Variants in DGKB observed in about 807,000 individuals in gnomAD.
DGKB encodes diacylglycerol kinase beta.
DGKB carries 67 observed loss-of-function variants against 114.3 expected under a neutral mutation model. That is an observed-to-expected ratio of 0.59 (90% CI 0.48 to 0.72). The LOEUF (loss-of-function observed/expected upper bound fraction) is 0.72. Among genes scored for constraint, DGKB ranks in the 30% least tolerant of loss-of-function variants. DGKB has a pLI of 0.00. For missense variants in DGKB, 907 were observed against 975.2 expected (o/e 0.93, Z 0.93); for synonymous variants, 398 against 323.1 (o/e 1.23, Z -2.49).
intron 2 of DGKB, among the ~76,000 whole-genome samples, chr7:14,767,870 TG>T (rs1232140948): frequency 6.6e-6 from 1 of 151,990 alleles, no homozygotes; most frequent in Non-Finnish European, 1.5e-5. Flanking sequence ...AGTTCTTATG[TG>T]GGTTGCAAAA....
At chr7:14,340,529 G>A (rs1470216724) in intron 22 of DGKB, among the ~76,000 whole-genome samples, 1 of 151,348 alleles carries the variant, frequency 6.6e-6, no homozygotes, top group Non-Finnish European at 1.5e-5. Context: ...CCACAAAGAA[G>A]TCTTCATTCC....
chr7:14,600,286 C>A (rs1431152108), intron 17 of DGKB, among the ~76,000 whole-genome samples: 2 of 152,180 alleles, frequency 1.3e-5, no homozygotes, highest in African/African-American at 4.8e-5. Context: ...ATCATTTGCT[C>A]ATTGCTCCAC....
intron 23 of DGKB, among the ~76,000 whole-genome samples, chr7:14,314,278 C>T (rs1380909410): frequency 1.4e-4 from 22 of 152,236 alleles, no homozygotes; most frequent in Admixed American, 5.9e-4. Context: ...CAAAGCTGGA[C>T]AGAGAATGAC....
At chr7:14,884,673 T>C (rs1181018981) in intron 1 of DGKB, among the ~76,000 whole-genome samples, 9 of 151,908 alleles carry the variant, frequency 5.9e-5, no homozygotes, top group Non-Finnish European at 1.3e-4. Context: ...TCAGGCTCTG[T>C]AAATTACCAC....
chr7:14,567,303 ATT>A (rs1563534300), intron 20 of DGKB, among the ~76,000 whole-genome samples: 1 of 39,548 alleles, frequency 2.5e-5, no homozygotes, highest in Non-Finnish European at 4.1e-5. Flanking sequence ...ATATTTATAT[ATT>A]ATATATAATT....
intron 2 of DGKB, among the ~76,000 whole-genome samples, chr7:14,770,899 G>A (rs1168232458): frequency 6.6e-6 from 1 of 152,010 alleles, no homozygotes; most frequent in Non-Finnish European, 1.5e-5. Context: ...TGTAACAAAA[G>A]CCCACCAAGA....
intron 21 of DGKB, among the ~76,000 whole-genome samples, chr7:14,466,352 A>G (rs1268618132): frequency 6.6e-6 from 1 of 152,076 alleles, no homozygotes; most frequent in South Asian, 2.1e-4. Flanking sequence ...AGGTCAAGAG[A>G]TCGAGACAAT....
At chr7:14,820,321 A>T (rs1042415376) in intron 2 of DGKB, among the ~76,000 whole-genome samples, 5 of 152,180 alleles carry the variant, frequency 3.3e-5, no homozygotes, top group African/African-American at 1.2e-4. Flanking sequence ...GTGTTAAATA[A>T]ACTTGGAATT....
chr7:14,972,819 A>C (rs2115312589), intron 1 of DGKB, among the ~76,000 whole-genome samples: 1 of 152,234 alleles, frequency 6.6e-6, no homozygotes, highest in African/African-American at 2.4e-5. Context: ...TATCATTTGG[A>C]TTACAGAGAA....
intron 13 of DGKB, among the ~76,000 whole-genome samples, chr7:14,671,309 G>C (rs1818923267): frequency 6.6e-6 from 1 of 152,058 alleles, no homozygotes; most frequent in Admixed American, 6.6e-5. Context: ...GGAAGTCAAT[G>C]AAAGGTAGAC....
chr7:14,418,514 A>G (rs2128758206), intron 21 of DGKB, among the ~76,000 whole-genome samples: 1 of 151,592 alleles, frequency 6.6e-6, no homozygotes, highest in African/African-American at 2.4e-5. Context: ...TGTCTCCTAC[A>G]AAGTAACTAT....
chr7:14,167,133 C>A (rs1274433001), intron 25 of DGKB, among the ~76,000 whole-genome samples: 1 of 147,074 alleles, frequency 6.8e-6, no homozygotes, highest in African/African-American at 2.5e-5. Context: ...ATTGCTTGAA[C>A]CCGGGAGGCG....
At chr7:14,691,772 A>G (rs2128990695) in intron 9 of DGKB, among the ~76,000 whole-genome samples, 1 of 151,872 alleles carries the variant, frequency 6.6e-6, no homozygotes, top group South Asian at 2.1e-4. Context: ...ATTTAGTCTC[A>G]GATTTAAGGT....
intron 2 of DGKB, among the ~76,000 whole-genome samples, chr7:14,792,516 G>T (rs1363724284): frequency 2.0e-5 from 3 of 152,048 alleles, no homozygotes; most frequent in African/African-American, 7.2e-5. Flanking sequence ...TGGGCAAAAT[G>T]AATCTTTTTT....
chr7:14,341,600 T>G (rs1010033684), intron 22 of DGKB, among the ~76,000 whole-genome samples: 4 of 151,876 alleles, frequency 2.6e-5, no homozygotes, highest in African/African-American at 7.2e-5. Context: ...ATTTATAGAG[T>G]GCAAGGCTGT....
At chr7:14,684,150 G>A (rs6950667) in intron 10 of DGKB, among the ~76,000 whole-genome samples, 1,621 of 152,144 alleles carry the variant, frequency 0.011, 23 homozygotes, top group African/African-American at 0.037. Context: ...ATTAAAATTC[G>A]TAAATAGTTC....
chr7:14,790,198 G>A (rs1840469943), intron 2 of DGKB, among the ~76,000 whole-genome samples: 1 of 152,108 alleles, frequency 6.6e-6, no homozygotes, highest in African/African-American at 2.4e-5. Context: ...TGCTAGTCCT[G>A]TGATTTATAT....
intron 5 of DGKB, among the ~76,000 whole-genome samples, chr7:14,735,295 G>C (rs1831546590): frequency 6.6e-6 from 1 of 152,088 alleles, no homozygotes; most frequent in African/African-American, 2.4e-5. Flanking sequence ...CCTCACCTCA[G>C]AATTTCATCC....
chr7:14,503,958 T>C (rs1034223324), intron 20 of DGKB, among the ~76,000 whole-genome samples: 6 of 152,150 alleles, frequency 3.9e-5, no homozygotes, highest in Non-Finnish European at 8.8e-5. Context: ...CTATTAAAGC[T>C]GCCTTAGAAA....
Sources: allele counts gnomAD v4.1 joint callset (sites outside exome capture counted in the v4.1 genomes callset), GRCh38; gene constraint gnomAD v4.1.1; transcripts MANE v1.5; gene names NCBI Gene and HGNC (gene_info 2026-07-23, HGNC 2026-07-21).